Variants in KCNMB2 observed in about 807,000 individuals in gnomAD.
KCNMB2 encodes calcium-activated potassium channel subunit beta-2.
In KCNMB2, 9 loss-of-function variants were observed where a neutral mutation model predicts 24.5. The ratio of observed to expected loss-of-function variants is 0.37; its 90% confidence interval spans 0.22 to 0.64. The LOEUF (loss-of-function observed/expected upper bound fraction) is 0.64. Ranked by LOEUF, KCNMB2 falls within the 30% of genes least tolerant of loss-of-function variation. The pLI is 0.63. For missense variants in KCNMB2, 226 were observed against 284.3 expected (o/e 0.79, Z 1.47); for synonymous variants, 109 against 104.4 (o/e 1.04, Z -0.27).
chr3:178,591,296 G>T (rs148200655), intron 1 of KCNMB2, among the ~76,000 whole-genome samples: 67 of 152,306 alleles, frequency 4.4e-4, no homozygotes, highest in African/African-American at 1.3e-3. Flanking sequence ...AAAAGAAAGA[G>T]CTGACTGTTT....
chr3:178,536,897 T>C (rs2108442907), intron 1 of KCNMB2, among the ~76,000 whole-genome samples, 186 bp downstream of exon 1: 1 of 152,298 alleles, frequency 6.6e-6, no homozygotes, highest in African/African-American at 2.4e-5. Flanking sequence ...ATGGCAGAAA[T>C]GCCTCCAGGA....
intron 1 of KCNMB2, chr3:178,558,933 G>A (rs1332667497): frequency 1.3e-5 from 2 of 152,276 alleles, no homozygotes; most frequent in African/African-American, 4.8e-5. Flanking sequence ...AAAGAACTGA[G>A]AGAAAGAGCA....
intron 2 of KCNMB2, among the ~76,000 whole-genome samples, chr3:178,815,734 T>C (rs1188709774): frequency 6.6e-6 from 1 of 152,040 alleles, no homozygotes; most frequent in Non-Finnish European, 1.5e-5. Context: ...GTTTTTATCA[T>C]GAATGAATGT....
chr3:178,744,230 T>G (rs539548035), intron 1 of KCNMB2, among the ~76,000 whole-genome samples: 38 of 152,348 alleles, frequency 2.5e-4, no homozygotes, highest in Non-Finnish European at 2.4e-4. Context: ...ATTGTTGACA[T>G]GATAAATATA....
At chr3:178,826,991 G>A (rs890350998) in intron 3 of KCNMB2, among the ~76,000 whole-genome samples, 11 of 152,114 alleles carry the variant, frequency 7.2e-5, no homozygotes, top group African/African-American at 2.7e-4. Flanking sequence ...CATGTTCCAG[G>A]AAAATACAGT....
chr3:178,672,965 C>A (rs1312716786), intron 1 of KCNMB2, among the ~76,000 whole-genome samples: 2 of 152,124 alleles, frequency 1.3e-5, no homozygotes, highest in African/African-American at 4.8e-5. Flanking sequence ...ATCTCCAGTT[C>A]ATTTGCTCTT....
At chr3:178,643,007 T>G (rs1719781986) in intron 1 of KCNMB2, among the ~76,000 whole-genome samples, 1 of 152,240 alleles carries the variant, frequency 6.6e-6, no homozygotes, top group South Asian at 2.1e-4. Flanking sequence ...TAGCTGACAC[T>G]GAGCTCCAGC....
chr3:178,682,356 T>C (rs1024387990), intron 1 of KCNMB2, among the ~76,000 whole-genome samples: 1 of 152,096 alleles, frequency 6.6e-6, no homozygotes, highest in South Asian at 2.1e-4. Context: ...CTCCAACTGC[T>C]GTCTTCTCCT....
At chr3:178,555,647 T>G (rs1716099271) in intron 1 of KCNMB2, among the ~76,000 whole-genome samples, 1 of 152,336 alleles carries the variant, frequency 6.6e-6, no homozygotes, top group South Asian at 2.1e-4. Flanking sequence ...TATTGCAGTT[T>G]GTGGGGAGGA....
intron 1 of KCNMB2, among the ~76,000 whole-genome samples, chr3:178,586,523 C>CTTTT (rs1160913551): frequency 8.1e-5 from 5 of 61,824 alleles, no homozygotes; most frequent in Non-Finnish European, 1.1e-4. Flanking sequence ...ATTTTCTTTT[C>CTTTT]TTTTTTTTTT....
intron 1 of KCNMB2, among the ~76,000 whole-genome samples, chr3:178,742,324 CTA>C (rs952373669): frequency 1.3e-5 from 2 of 152,160 alleles, no homozygotes; most frequent in African/African-American, 2.4e-5. Flanking sequence ...ACCTGCACAC[CTA>C]TGTCTTTGCT....
chr3:178,718,538 A>T (rs901464984), intron 1 of KCNMB2, among the ~76,000 whole-genome samples: 1 of 152,232 alleles, frequency 6.6e-6, no homozygotes, highest in Non-Finnish European at 1.5e-5. Flanking sequence ...CCAGTATGGC[A>T]CTAAATGACA....
rs1176115299 is a variant in KCNMB2 at position 178,558,368 on chromosome 3, G to GCC, written c.-68+21657_-68+21658insCC. Among the ~76,000 whole-genome samples, 3 of 152,310 alleles carry GCC rather than the reference G, an allele frequency of 2.0e-5. No individual in the cohort carries two copies. The East Asian group carries it at 5.8e-4, about 29-fold the overall frequency. On this transcript the variant is annotated intron_variant, in intron 1 of 4. Transcript: ENST00000452583. ...AAGTAATTAAAAAGGAGCTGTGTGT[G>GCC]TAGTAACAAGATCAGTGGGTCTCCT...
At chr3:178,814,493 G>C (rs1714326887) in intron 2 of KCNMB2, among the ~76,000 whole-genome samples, 1 of 152,184 alleles carries the variant, frequency 6.6e-6, no homozygotes, top group Middle Eastern at 3.4e-3. Context: ...CTCCAGTAAT[G>C]GTATCAATTA....
At chr3:178,661,329 A>G (rs7372824) in intron 1 of KCNMB2, among the ~76,000 whole-genome samples, 39,430 of 151,946 alleles carry the variant, frequency 0.26, 5,731 homozygotes, top group African/African-American at 0.39. Context: ...TTCCTTTTTT[A>G]TGGCTGCATA....
At chr3:178,700,240 G>C (rs964163814) in intron 1 of KCNMB2, among the ~76,000 whole-genome samples, 1 of 152,116 alleles carries the variant, frequency 6.6e-6, no homozygotes, top group African/African-American at 2.4e-5. Flanking sequence ...TACTAAACTA[G>C]CTTAAAAAAA....
intron 1 of KCNMB2, among the ~76,000 whole-genome samples, chr3:178,806,128 A>C (rs1001142209): frequency 3.3e-5 from 5 of 152,202 alleles, no homozygotes; most frequent in Admixed American, 2.6e-4. Flanking sequence ...AAATGTAGCA[A>C]GTTCTCATCT....
intron 1 of KCNMB2, among the ~76,000 whole-genome samples, chr3:178,592,663 A>C (rs999866977): frequency 3.3e-5 from 5 of 152,120 alleles, no homozygotes; most frequent in African/African-American, 1.2e-4. Context: ...TTGTCTTTTT[A>C]AAGTTCTGGT....
intron 1 of KCNMB2, among the ~76,000 whole-genome samples, chr3:178,587,602 G>T (rs6790506): frequency 0.79 from 112,326 of 143,060 alleles, 44,160 homozygotes; most frequent in African/African-American, 0.89. Flanking sequence ...TTTTTGGGTG[G>T]TTTTTTTTTT....
Sources: allele counts gnomAD v4.1 joint callset (sites outside exome capture counted in the v4.1 genomes callset), GRCh38; gene constraint gnomAD v4.1.1; transcripts MANE v1.5; gene names NCBI Gene and HGNC (gene_info 2026-07-23, HGNC 2026-07-21).